NHSL1: variants seen among roughly 807,000 people sequenced by gnomAD.
NHSL1 encodes the protein NHS-like protein 1.
In NHSL1, 48 loss-of-function variants were observed where a neutral mutation model predicts 95.0. The ratio of observed to expected loss-of-function variants is 0.51; its 90% CI spans 0.40 to 0.64. The LOEUF is 0.64. Ranked by LOEUF, NHSL1 falls within the 30% of genes least tolerant of loss-of-function variation. The pLI is 0.00. For synonymous variants in NHSL1, 783 were observed against 833.9 expected, an observed-to-expected ratio of 0.94 and a Z score of 1.05; for missense variants, 1,971 against 2,077.7, an observed-to-expected ratio of 0.95 and a Z score of 1.00.
intron 2 of NHSL1, among the ~76,000 whole-genome samples, chr6:138,478,220 A>T (rs35202037): frequency 6.6e-6 from 1 of 151,404 alleles, no homozygotes; most frequent in Non-Finnish European, 1.5e-5. Flanking sequence ...ACCTCAGGTG[A>T]TCTGCCTGCC....
At chr6:138,433,754 C>T (rs1775879828) in intron 5 of NHSL1, 74 bp from the exon 6 acceptor site, 1 of 1,382,840 alleles carries the variant, frequency 7.2e-7, no homozygotes, top group Non-Finnish European at 9.4e-7. Context: ...CCTCACCCCT[C>T]TGACAGAATT....
exon 1 of NHSL1, chr6:138,571,955 C>G: frequency 6.6e-7 from 1 of 1,522,024 alleles, no homozygotes; most frequent in Non-Finnish European, 8.9e-7. Flanking sequence ...GCCCAGCAAA[C>G]AAAACGCTGG....
At chr6:138,488,565 C>T (rs1779856682) in intron 2 of NHSL1, among the ~76,000 whole-genome samples, 2 of 152,112 alleles carry the variant, frequency 1.3e-5, no homozygotes, top group Admixed American at 1.3e-4. Flanking sequence ...ATTAATCAAA[C>T]ATGTCATGTG....
At chr6:138,582,360 T>C (rs1205652774) in intron 1 of NHSL1, among the ~76,000 whole-genome samples, 1 of 151,828 alleles carries the variant, frequency 6.6e-6, no homozygotes, top group Non-Finnish European at 1.5e-5. Context: ...TGTAAAACAT[T>C]TTTAAAAGAA....
At chr6:138,434,648 TCTCC>T (rs1462655905) in intron 5 of NHSL1, among the ~76,000 whole-genome samples, 1 of 152,156 alleles carries the variant, frequency 6.6e-6, no homozygotes, top group Non-Finnish European at 1.5e-5. Context: ...AAACTATAGT[TCTCC>T]CTATGTTATC....
intron 1 of NHSL1, among the ~76,000 whole-genome samples, chr6:138,639,829 GATGT>G (rs1243754801): frequency 7.8e-6 from 1 of 128,470 alleles, no homozygotes. Flanking sequence ...AAAAAAAGTT[GATGT>G]ATATGTATAT....
intron 1 of NHSL1, among the ~76,000 whole-genome samples, chr6:138,538,285 T>C (rs1400072292): frequency 6.6e-6 from 1 of 152,166 alleles, no homozygotes; most frequent in Non-Finnish European, 1.5e-5. Flanking sequence ...GTACCACCAC[T>C]GGGGGCTAGG....
At chr6:138,458,007 GAAAAA>G (rs554103437) in intron 3 of NHSL1, among the ~76,000 whole-genome samples, 1 of 96,754 alleles carries the variant, frequency 1.0e-5, no homozygotes, top group Non-Finnish European at 2.2e-5. Context: ...AACTCCAACT[GAAAAA>G]AAAAAAAAAA....
intron 1 of NHSL1, chr6:138,650,856 C>A (rs547684565): frequency 7.4e-6 from 4 of 541,004 alleles, no homozygotes; most frequent in Admixed American, 5.8e-5. Context: ...GTGAAGAGGG[C>A]GTTGGACATC....
rs185408058 is a variant in NHSL1 at position 138,543,175 on chromosome 6, A to G, written c.16+2448T>C. Among the ~76,000 whole-genome samples, 584 of 152,348 alleles carry G rather than the reference A, an allele frequency of 3.8e-3. 2 individuals are homozygous for G. The highest frequency in any genetic ancestry group is 0.015 in the South Asian group (72 of 4,824). ...TTAGCCATAATTCACTTCCCAGACC[A>G]TAATGGATCACTTGCTACACAGTGA... On this transcript the variant is annotated intron_variant, in intron 1 of 4. Transcript: ENST00000342260.
At chr6:138,649,128 G>T (rs920366831) in intron 1 of NHSL1, among the ~76,000 whole-genome samples, 2 of 152,152 alleles carry the variant, frequency 1.3e-5, no homozygotes, top group African/African-American at 4.8e-5. Flanking sequence ...CCATTAGGGT[G>T]AGTGTCAGGC....
At chr6:138,680,828 G>A (rs6906288) in intron 1 of NHSL1, among the ~76,000 whole-genome samples, 10,114 of 152,128 alleles carry the variant, frequency 0.066, 1,105 homozygotes, top group African/African-American at 0.23. Flanking sequence ...TGTTGCCCAG[G>A]CTGGTCTTGA....
chr6:138,600,416 T>C (rs1784356633), intron 1 of NHSL1, among the ~76,000 whole-genome samples: 1 of 152,172 alleles, frequency 6.6e-6, no homozygotes, highest in Admixed American at 6.5e-5. Context: ...GAACTAGCAA[T>C]GCCTACTGCA....
chr6:138,520,951 AC>A (rs1385091699), intron 1 of NHSL1, among the ~76,000 whole-genome samples: 14 of 152,338 alleles, frequency 9.2e-5, no homozygotes, highest in African/African-American at 3.4e-4. Context: ...AAATGGAGCC[AC>A]TAATGTCAAA....
chr6:138,493,826 G>T (rs1780205956), intron 2 of NHSL1, among the ~76,000 whole-genome samples: 1 of 152,148 alleles, frequency 6.6e-6, no homozygotes, highest in Non-Finnish European at 1.5e-5. Context: ...GTACATTAAG[G>T]GACCAATATT....
At position 138,692,349 on chromosome 6, in the gene NHSL1, T is replaced by C. The variant is rs1443351897; in HGVS notation, c.96+127A>G. Reference sequence around the variant, plus strand: ...CCCGCTGGGGTCCGGCAGTCCCCACTGGAGACCCCGACATCGCGGGGCTCC... The same window carrying C: ...CCCGCTGGGGTCCGGCAGTCCCCACCGGAGACCCCGACATCGCGGGGCTCC... On this transcript the variant is annotated intron_variant, in intron 1 of 3. Transcript: ENST00000491526. This position sits in a 1 kb window ranked among gnomAD's most constrained non-coding sequence, Gnocchi z 4.0. 5.8e-6 allele frequency: 2 copies of C among 343,926 alleles called. No individual in the cohort carries two copies. Among genetic ancestry groups the C allele is most frequent in the African/African-American group, 2.2e-5 (1 of 46,316 alleles). 21.3% of individuals were successfully genotyped at this position (343,926 alleles called of 1,614,324 possible). A position where few individuals can be genotyped will look rare whatever the true frequency, so the allele number is the denominator to read the frequency against.
intron 7 of NHSL1, among the ~76,000 whole-genome samples, chr6:138,425,366 G>T (rs1775194724): frequency 6.6e-6 from 1 of 152,068 alleles, no homozygotes; most frequent in Non-Finnish European, 1.5e-5. Context: ...CAAAGTGCTG[G>T]GATTATAGGC....
At chr6:138,504,748 G>C (rs1049257984) in intron 1 of NHSL1, among the ~76,000 whole-genome samples, 1 of 152,200 alleles carries the variant, frequency 6.6e-6, no homozygotes, top group Non-Finnish European at 1.5e-5. Context: ...ATGACAAGTA[G>C]GTTTGAATAG....
chr6:138,593,375 G>A (rs750357552), intron 1 of NHSL1, among the ~76,000 whole-genome samples: 7 of 152,170 alleles, frequency 4.6e-5, no homozygotes, highest in Non-Finnish European at 5.9e-5. Context: ...TCACGTTTCC[G>A]TTTCCTCTCA....
Sources: allele counts gnomAD v4.1 joint callset (sites outside exome capture counted in the v4.1 genomes callset), GRCh38; gene constraint gnomAD v4.1.1; non-coding constraint Gnocchi (gnomAD v3.1); transcripts MANE v1.5; gene names NCBI Gene and HGNC (gene_info 2026-07-23, HGNC 2026-07-21).